Variants in BCL2L14 observed in about 807,000 individuals in gnomAD.
BCL2L14 encodes the protein BCL2 like 14.
Under a neutral mutation model 35.3 loss-of-function variants are expected in BCL2L14, and 27 were observed. The observed-to-expected ratio is 0.76, with a 90% CI of 0.56 to 1.05. The LOEUF (loss-of-function observed/expected upper bound fraction) is 1.05. BCL2L14 is among the 50% of genes least tolerant of loss of function. The probability of loss-of-function intolerance (pLI) is 0.00; values close to 1 mark genes in which losing one functional copy is unlikely to be tolerated. For missense variants in BCL2L14, 377 were observed against 382.6 expected, an observed-to-expected ratio of 0.99 and a Z score of 0.12; for synonymous variants, 139 against 145.9, an observed-to-expected ratio of 0.95 and a Z score of 0.34.
At chr12:12,082,559 T>A (rs1230972805) in intron 2 of BCL2L14, among the ~76,000 whole-genome samples, 1 of 152,196 alleles carries the variant, frequency 6.6e-6, no homozygotes, top group Non-Finnish European at 1.5e-5. Context: ...CATTTGACAT[T>A]TTTTTTATTT....
intron 5 of BCL2L14, among the ~76,000 whole-genome samples, chr12:12,096,512 CA>C (rs1190323263): frequency 6.8e-6 from 1 of 146,026 alleles, no homozygotes; most frequent in Non-Finnish European, 1.5e-5. Context: ...TATCTAAATA[CA>C]TAATGAACTA....
At chr12:12,093,287 C>T (rs1047824816) in intron 4 of BCL2L14, among the ~76,000 whole-genome samples, 4 of 152,110 alleles carry the variant, frequency 2.6e-5, no homozygotes, top group Admixed American at 1.3e-4. Flanking sequence ...AAAAATGACT[C>T]GCATTTCCAA....
At position 12,079,369 on chromosome 12, in the gene BCL2L14, A is replaced by T. The variant is rs1344736870; in HGVS notation, c.64A>T (p.Ile22Leu). 1 of 1,614,124 alleles carries T rather than the reference A, an allele frequency of 6.2e-7. No homozygotes were observed. Among genetic ancestry groups the T allele is most frequent in the Non-Finnish European group, 8.5e-7 (1 of 1,180,054 alleles). ...IPLDDDDLNT[I>L]EFKILAYYTR... The stretch of plus-strand genomic sequence containing the variant: ...CCTAGATGATGATGACCTAAACACC[A>T]TAGAATTCAAAATCCTCGCCTACTA... The change falls in exon 2 of 6, where the codon ATA becomes TTA. Residue 22 changes from isoleucine (I) to leucine (L), a missense_variant. By Grantham distance (5) the Ile-to-Leu change is conservative. Coordinates refer to ENST00000308721, the MANE Select transcript of BCL2L14 (RefSeq NM_138723.2).
intron 1 of BCL2L14, among the ~76,000 whole-genome samples, chr12:12,073,804 C>T (rs1394980428): frequency 1.3e-5 from 2 of 152,148 alleles, no homozygotes; most frequent in African/African-American, 2.4e-5. Flanking sequence ...AAAAGGAAGC[C>T]TTGAATCAAA....
At chr12:12,091,960 G>A (rs1047035071) in intron 4 of BCL2L14, among the ~76,000 whole-genome samples, 18 of 152,310 alleles carry the variant, frequency 1.2e-4, no homozygotes, top group African/African-American at 4.1e-4. Context: ...GGCATTCCAG[G>A]CTGCCCATGA....
chr12:12,093,924 C>T (rs908112020), intron 4 of BCL2L14, among the ~76,000 whole-genome samples: 2 of 150,920 alleles, frequency 1.3e-5, no homozygotes, highest in African/African-American at 4.9e-5. Flanking sequence ...GGCAACATGG[C>T]GAAACTCTAT....
chr12:12,085,180 T>A (rs538154343), intron 2 of BCL2L14, among the ~76,000 whole-genome samples: 1 of 151,966 alleles, frequency 6.6e-6, no homozygotes, highest in South Asian at 2.1e-4. Context: ...CCCTGCCTTA[T>A]GAGAGGAGGA....
chr12:12,059,337 T>C (rs1041569291), intron 2 of BCL2L14, among the ~76,000 whole-genome samples: 1 of 151,790 alleles, frequency 6.6e-6, no homozygotes, highest in African/African-American at 2.4e-5. Context: ...CAACCCCTTA[T>C]CCTTCACCCT....
At chr12:12,096,267 C>A in intron 5 of BCL2L14, 2 of 701,404 alleles carry the variant, frequency 2.9e-6, no homozygotes, top group South Asian at 6.4e-5. Flanking sequence ...CAATTGGGTT[C>A]ACAGGCTAGC....
chr12:12,075,425 CTTTCTTTCTTTT>C (rs919481505), intron 1 of BCL2L14, among the ~76,000 whole-genome samples: 5 of 134,152 alleles, frequency 3.7e-5, no homozygotes, highest in East Asian at 2.6e-4. Flanking sequence ...TTCTTTCTTT[CTTTCTTTCTTTT>C]TTTTTTGAGA....
At chr12:12,094,605 C>T (rs1290331957) in intron 4 of BCL2L14, 59 bp from the exon 5 acceptor site, 5 of 1,614,126 alleles carry the variant, frequency 3.1e-6, no homozygotes, top group Non-Finnish European at 4.2e-6. Flanking sequence ...AAAGAATGAA[C>T]TTCTGTCTGC....
rs1217103901 is a variant in BCL2L14 at position 12,050,811 on chromosome 12, AAAG to A, written c.-324+860_-324+862del. On this transcript the variant is annotated intron_variant, in intron 1 of 3. Coordinates refer to the BCL2L14 transcript ENST00000461264. ...GATGAGCTAAAAAAAAAAAAAAAAAAAAGAAAAGAAAAGAAAAGAAAAAAGAAT... is the reference window on the plus strand; with the variant it reads ...GATGAGCTAAAAAAAAAAAAAAAAAAAAAAGAAAAGAAAAGAAAAAAGAAT... 1.9e-4 allele frequency among the ~76,000 whole-genome samples: 23 copies of A among 122,362 alleles called. No homozygotes were observed. In the East Asian group the frequency reaches 2.8e-3, roughly 15 times the overall value. 80.3% of individuals were successfully genotyped at this position (122,362 alleles called of 152,430 possible). A position where few individuals can be genotyped will look rare whatever the true frequency, so the allele number is the denominator to read the frequency against.
At chr12:12,089,149 C>CATT (rs1949114276) in intron 3 of BCL2L14, among the ~76,000 whole-genome samples, 15 of 152,250 alleles carry the variant, frequency 9.9e-5, no homozygotes, top group African/African-American at 3.6e-4. Context: ...GGTGGATCGC[C>CATT]TGAGGTCAGG....
At chr12:12,059,735 C>T (rs2136713256) in intron 2 of BCL2L14, among the ~76,000 whole-genome samples, 1 of 152,224 alleles carries the variant, frequency 6.6e-6, no homozygotes, top group Middle Eastern at 3.4e-3. Flanking sequence ...CTTAAAACCT[C>T]TTCAACTCTC....
chr12:12,094,997 T>C, intron 5 of BCL2L14, 67 bp downstream of exon 5: 1 of 1,542,534 alleles, frequency 6.5e-7, no homozygotes, highest in Non-Finnish European at 8.6e-7. Context: ...ATTTTTTTTT[T>C]TTTTTTAAAT....
chr12:12,082,320 A>G (rs1037925149), intron 2 of BCL2L14, among the ~76,000 whole-genome samples: 2 of 152,200 alleles, frequency 1.3e-5, no homozygotes, highest in Admixed American at 1.3e-4. Context: ...CCTTCCCTCC[A>G]CATCTGCCTC....
upstream of BCL2L14, among the ~76,000 whole-genome samples, chr12:12,069,925 C>T (rs1000871820): frequency 6.6e-6 from 1 of 152,118 alleles, no homozygotes; most frequent in African/African-American, 2.4e-5. Flanking sequence ...CCATTCTTCC[C>T]CACTTTTACG....
At chr12:12,052,697 C>T (rs1231688903) in intron 2 of BCL2L14, among the ~76,000 whole-genome samples, 2 of 152,128 alleles carry the variant, frequency 1.3e-5, no homozygotes, top group Non-Finnish European at 2.9e-5. Flanking sequence ...GTTCAGGTGT[C>T]TCTTCAACAT....
intron 5 of BCL2L14, 140 bp from the exon 6 acceptor site, chr12:12,098,810 C>A: frequency 2.9e-6 from 2 of 698,294 alleles, no homozygotes; most frequent in Admixed American, 2.3e-5. Flanking sequence ...TGCCAGTCAC[C>A]TCTCCAAACC....
Sources: gnomAD v4.1 joint callset for allele counts (sites outside exome capture counted in the v4.1 genomes callset) on GRCh38, gnomAD v4.1.1 for gene constraint, MANE v1.5 for transcripts, NCBI Gene and HGNC (gene_info 2026-07-23, HGNC 2026-07-21) for gene names.